Variants in HSPBAP1 observed in about 807,000 individuals in gnomAD.
HSPBAP1 encodes the protein HSPB1 associated protein 1, also known as HSPB1-associated protein 1.
Under a neutral mutation model 45.2 loss-of-function variants are expected in HSPBAP1, and 27 were observed. The ratio of observed to expected loss-of-function variants is 0.60; its 90% CI spans 0.44 to 0.82. HSPBAP1 has a LOEUF of 0.82. Ranked by LOEUF, HSPBAP1 falls within the 40% of genes least tolerant of loss-of-function variation. The pLI is 0.00. For missense variants in HSPBAP1, 510 were observed against 590.9 expected, an observed-to-expected ratio of 0.86 and a Z score of 1.42; for synonymous variants, 204 against 202.7, an observed-to-expected ratio of 1.01 and a Z score of -0.06.
At chr3:122,749,725 C>T (rs1243889013) in intron 6 of HSPBAP1, among the ~76,000 whole-genome samples, 1 of 152,176 alleles carries the variant, frequency 6.6e-6, no homozygotes, top group Non-Finnish European at 1.5e-5. Context: ...TCCCCTGCCT[C>T]AGCCTCCTGA....
chr3:122,744,809 T>C (rs1045620681), intron 6 of HSPBAP1, among the ~76,000 whole-genome samples: 1 of 152,160 alleles, frequency 6.6e-6, no homozygotes, highest in African/African-American at 2.4e-5. Context: ...CATATCTAAA[T>C]AAAATATGAA....
intron 6 of HSPBAP1, among the ~76,000 whole-genome samples, 176 bp downstream of exon 6, chr3:122,752,415 C>A (rs1934185586): frequency 6.6e-6 from 1 of 152,030 alleles, no homozygotes; most frequent in South Asian, 2.1e-4. Flanking sequence ...AATTTCCAAC[C>A]TAAACATCCA....
chr3:122,781,624 T>C (rs967361933), intron 1 of HSPBAP1, among the ~76,000 whole-genome samples: 6 of 152,122 alleles, frequency 3.9e-5, no homozygotes, highest in African/African-American at 1.2e-4. Context: ...CTCCTCTCTC[T>C]CCCTCCCCTC....
chr3:122,760,637 C>T (rs1934542665), intron 3 of HSPBAP1, among the ~76,000 whole-genome samples: 1 of 151,856 alleles, frequency 6.6e-6, no homozygotes, highest in African/African-American at 2.4e-5. Context: ...TTTGCAAGGT[C>T]AGCACCACTG....
chr3:122,775,286 A>T (rs542838153), intron 2 of HSPBAP1, among the ~76,000 whole-genome samples: 1 of 152,330 alleles, frequency 6.6e-6, no homozygotes, highest in Admixed American at 6.5e-5. Flanking sequence ...AAGAACTCTT[A>T]TAACTCAATA....
At chr3:122,776,417 T>C (rs891703513) in intron 2 of HSPBAP1, among the ~76,000 whole-genome samples, 2 of 152,184 alleles carry the variant, frequency 1.3e-5, no homozygotes, top group Admixed American at 6.6e-5. Flanking sequence ...ATCTATAAAA[T>C]GGGATAACAG....
In HSPBAP1 at chr3:122,780,146, C is replaced by A. The variant is rs866863225; in HGVS notation, c.65-2240G>T. Among the ~76,000 whole-genome samples, 211 of 118,668 alleles carry A rather than the reference C, an allele frequency of 1.8e-3. 3 individuals carry two copies. The highest frequency in any genetic ancestry group is 0.012 in the South Asian group (42 of 3,454). The allele number at this position is 118,668 out of a possible 152,430, so 77.9% of individuals were successfully genotyped here. A position where few individuals can be genotyped will look rare whatever the true frequency, so the allele number is the denominator to read the frequency against. ...CTGGCCGGGCGGGGAGCTGACCCCCCCACCTCCCTCCTGGACGGGGCGGCT... is the reference window on the plus strand; with the variant it reads ...CTGGCCGGGCGGGGAGCTGACCCCCACACCTCCCTCCTGGACGGGGCGGCT... On this transcript the variant is annotated intron_variant, in intron 1 of 7. Transcript: ENST00000306103.
At chr3:122,756,611 T>C (rs1934365289) in intron 4 of HSPBAP1, among the ~76,000 whole-genome samples, 3 of 151,742 alleles carry the variant, frequency 2.0e-5, no homozygotes, top group Admixed American at 6.6e-5. Context: ...GGTGGGAGGA[T>C]TGTTTGAGCC....
At chr3:122,755,145 G>A in intron 5 of HSPBAP1, 115 bp downstream of exon 5, 1 of 1,211,710 alleles carries the variant, frequency 8.3e-7, no homozygotes. Flanking sequence ...GCAGAGGGAA[G>A]GAAGCCATTC....
intron 1 of HSPBAP1, among the ~76,000 whole-genome samples, chr3:122,792,657 A>G (rs551842908): frequency 2.6e-4 from 39 of 151,652 alleles, no homozygotes; most frequent in African/African-American, 7.5e-4. Context: ...AGCGGATCAC[A>G]AGGTCAAGAG....
At chr3:122,784,039 C>T (rs1935576832) in intron 1 of HSPBAP1, among the ~76,000 whole-genome samples, 1 of 152,110 alleles carries the variant, frequency 6.6e-6, no homozygotes, top group Admixed American at 6.5e-5. Flanking sequence ...CCATGTTAGC[C>T]AGGATGGTCT....
intron 1 of HSPBAP1, among the ~76,000 whole-genome samples, chr3:122,778,552 C>T (rs1166160507): frequency 6.9e-6 from 1 of 144,974 alleles, no homozygotes; most frequent in East Asian, 2.0e-4. Flanking sequence ...GACGGAGTCT[C>T]GCTCTCTCGC....
At chr3:122,781,231 C>T (rs188140332) in intron 1 of HSPBAP1, among the ~76,000 whole-genome samples, 1,833 of 151,830 alleles carry the variant, frequency 0.012, 23 homozygotes, top group African/African-American at 0.041. Flanking sequence ...TGTAGCGAGC[C>T]GAGATCACGC....
intron 6 of HSPBAP1, among the ~76,000 whole-genome samples, chr3:122,742,142 AATT>A (rs748302623): frequency 1.6e-4 from 23 of 144,550 alleles, no homozygotes; most frequent in Admixed American, 7.0e-5. Context: ...ATAATATATA[AATT>A]ATTATAAATA....
chr3:122,793,619 TCCTC>T lies in HSPBAP1; in HGVS notation c.58_61del (p.Glu20LysfsTer58). Reference sequence around the variant, plus strand: ...TCGGACCTCAGCCTGGCACCTACCTTCCTCCCCTCCAGCCCCAGCCGCAACGATC... The same window carrying T: ...TCGGACCTCAGCCTGGCACCTACCTTCCCTCCAGCCCCAGCCGCAACGATC... On this transcript the variant is annotated frameshift_variant, in exon 1 of 8. Transcript: ENST00000306103. LOFTEE classifies it high-confidence loss of function. 1 of 1,613,634 alleles carries T rather than the reference TCCTC, an allele frequency of 6.2e-7. No homozygotes were observed. Among genetic ancestry groups the T allele is most frequent in the South Asian group, 1.1e-5 (1 of 91,078 alleles).
intron 1 of HSPBAP1, among the ~76,000 whole-genome samples, chr3:122,781,994 T>A (rs1935502803): frequency 6.6e-6 from 1 of 152,242 alleles, no homozygotes; most frequent in African/African-American, 2.4e-5. Context: ...TTTAAGTGTT[T>A]AAATTTTGGT....
chr3:122,767,993 C>T (rs558345125), intron 3 of HSPBAP1, among the ~76,000 whole-genome samples: 17 of 152,234 alleles, frequency 1.1e-4, no homozygotes, highest in Non-Finnish European at 1.3e-4. Flanking sequence ...GGCTCCCATT[C>T]CTGCCCCACA....
In HSPBAP1 at chr3:122,793,638, CCGCAA is replaced by C. The variant is rs761035495; in HGVS notation, c.38_42del (p.Val13GlyfsTer9). 3.1e-6 allele frequency: 5 copies of C among 1,613,984 alleles called. No individual in the cohort carries two copies. Among genetic ancestry groups the C allele is most frequent in the Non-Finnish European group, 4.2e-6 (5 of 1,180,014 alleles). On this transcript the variant is annotated frameshift_variant, in exon 1 of 8. Transcript: ENST00000306103. LOFTEE classifies it high-confidence loss of function. ...CTACCTTCCTCCCCTCCAGCCCCAGCCGCAACGATCACAGGAGTGGTCGCCTCGGA... is the reference window on the plus strand; with the variant it reads ...CTACCTTCCTCCCCTCCAGCCCCAGCCGATCACAGGAGTGGTCGCCTCGGA...
chr3:122,776,929 G>A (rs1935209515), intron 2 of HSPBAP1, among the ~76,000 whole-genome samples: 1 of 152,172 alleles, frequency 6.6e-6, no homozygotes, highest in South Asian at 2.1e-4. Flanking sequence ...ATATTAATAA[G>A]CCACTTTACC....
Sources: allele counts gnomAD v4.1 joint callset (sites outside exome capture counted in the v4.1 genomes callset), GRCh38; gene constraint gnomAD v4.1.1; transcripts MANE v1.5; gene names NCBI Gene and HGNC (gene_info 2026-07-23, HGNC 2026-07-21).